The following SPATA6 variants were observed in gnomAD, a reference collection of about 807,000 sequenced individuals.
The protein encoded by SPATA6 is spermatogenesis associated 6.
Under a neutral mutation model 65.3 loss-of-function variants are expected in SPATA6, and 56 were observed. That is an observed-to-expected ratio of 0.86 (90% CI 0.69 to 1.07). The LOEUF is 1.07. Among genes scored for constraint, SPATA6 ranks in the 50% least tolerant of loss-of-function variants. The pLI is 0.00. For missense variants in SPATA6, 590 were observed against 594.8 expected (o/e 0.99, Z 0.08); for synonymous variants, 199 against 213.2 (o/e 0.93, Z 0.58).
chr1:48,418,544 C>CAAAAAAAA (rs34415296), intron 3 of SPATA6, among the ~76,000 whole-genome samples: 29 of 49,694 alleles, frequency 5.8e-4, no homozygotes, highest in East Asian at 9.2e-4. Flanking sequence ...CCCATCCCTA[C>CAAAAAAAA]AAAAAAAAAA....
chr1:48,428,803 G>GTGTATATATGTATATATA (rs2148048427), intron 3 of SPATA6, among the ~76,000 whole-genome samples: 5 of 113,434 alleles, frequency 4.4e-5, no homozygotes, highest in African/African-American at 6.5e-5. Context: ...GTGTGTGTGT[G>GTGTATATATGTATATATA]TGTGTGTATA....
At chr1:48,338,467 A>G (rs1384109786) in intron 11 of SPATA6, among the ~76,000 whole-genome samples, 2 of 152,102 alleles carry the variant, frequency 1.3e-5, no homozygotes, top group Non-Finnish European at 2.9e-5. Context: ...CTTAAGAGAT[A>G]AGGATCTATC....
chr1:48,346,548 T>A (rs1646371457), intron 11 of SPATA6, among the ~76,000 whole-genome samples: 2 of 152,180 alleles, frequency 1.3e-5, no homozygotes, highest in Admixed American at 6.6e-5. Context: ...GATTATATGA[T>A]CTTATATTGA....
chr1:48,405,872 C>T (rs1203912430), intron 5 of SPATA6, among the ~76,000 whole-genome samples: 1 of 152,084 alleles, frequency 6.6e-6, no homozygotes, highest in Admixed American at 6.6e-5. Context: ...ATTCCTCTCA[C>T]ATGCAAAATA....
chr1:48,393,950 T>C lies in SPATA6; in HGVS notation c.868+1317A>G, dbSNP rs577206896. Among the ~76,000 whole-genome samples the C allele has an allele frequency of 2.6e-5, 4 of 152,160 alleles. No homozygotes were observed. In the South Asian group the frequency reaches 8.3e-4, roughly 32 times the overall value. On this transcript the variant is annotated intron_variant, in intron 8 of 12. Coordinates refer to ENST00000371847, the MANE Select transcript of SPATA6 (RefSeq NM_019073.4). Reference sequence around the variant, plus strand: ...AAGCCTCCATCTCCAAACCACCATATTAGGGGCTAGGGCTTCAACATATTA... The same window carrying C: ...AAGCCTCCATCTCCAAACCACCATACTAGGGGCTAGGGCTTCAACATATTA...
At chr1:48,316,772 C>T (rs1373825129) in intron 11 of SPATA6, among the ~76,000 whole-genome samples, 1 of 151,938 alleles carries the variant, frequency 6.6e-6, no homozygotes, top group Non-Finnish European at 1.5e-5. Context: ...AAAATTTTTG[C>T]AATCTACTAA....
intron 9 of SPATA6, among the ~76,000 whole-genome samples, chr1:48,365,997 G>A (rs1030749089): frequency 6.6e-6 from 1 of 152,144 alleles, no homozygotes; most frequent in African/African-American, 2.4e-5. Context: ...AGACTTTTTA[G>A]CATGAAGCGT....
intron 11 of SPATA6, among the ~76,000 whole-genome samples, chr1:48,354,703 G>A (rs1295630264): frequency 6.6e-6 from 1 of 151,898 alleles, no homozygotes; most frequent in African/African-American, 2.4e-5. Flanking sequence ...CTCAAAACGT[G>A]CAATATTATA....
chr1:48,281,652 G>C, the SPATA6 span, among the ~76,000 whole-genome samples: 3 of 151,556 alleles, frequency 2.0e-5, no homozygotes, highest in South Asian at 4.2e-4. Flanking sequence ...TCTTCAAGGA[G>C]AACTACAAAC....
intron 11 of SPATA6, among the ~76,000 whole-genome samples, chr1:48,350,868 T>C (rs1421028283): frequency 6.6e-6 from 1 of 151,946 alleles, no homozygotes; most frequent in African/African-American, 2.4e-5. Flanking sequence ...TTGCCTTTCA[T>C]ACACATTGTT....
At chr1:48,360,027 G>A (rs576085845) in intron 9 of SPATA6, among the ~76,000 whole-genome samples, 1 of 152,202 alleles carries the variant, frequency 6.6e-6, no homozygotes, top group East Asian at 1.9e-4. Context: ...AAAGGCTTTT[G>A]AGTAGTGGTG....
intron 11 of SPATA6, among the ~76,000 whole-genome samples, chr1:48,312,663 G>C (rs147840085): frequency 6.6e-6 from 1 of 152,290 alleles, no homozygotes; most frequent in South Asian, 2.1e-4. Context: ...AAGGAATGCA[G>C]CTCCTCACCA....
chr1:48,285,824 A>G, the SPATA6 span, among the ~76,000 whole-genome samples: 1 of 152,094 alleles, frequency 6.6e-6, no homozygotes, highest in South Asian at 2.1e-4. Context: ...GAAATGCAGA[A>G]ATCACCCACC....
rs1644822082 is a variant in SPATA6, at chr1:48,296,870, A to G, written c.*1843T>C. The G allele has an allele frequency of 6.6e-6, 1 of 152,132 alleles. No homozygotes were observed. 9.4% of individuals were successfully genotyped at this position (152,132 alleles called of 1,614,324 possible). A position where few individuals can be genotyped will look rare whatever the true frequency, so the allele number is the denominator to read the frequency against. On this transcript the variant is annotated 3_prime_UTR_variant, in exon 13 of 13. Transcript: ENST00000371847. The stretch of plus-strand genomic sequence containing the variant: ...AATAACAAATAGTGGTACATGCTAA[A>G]TTTAGTTTAGAAAATTCTGGGTTAA...
intron 3 of SPATA6, among the ~76,000 whole-genome samples, chr1:48,449,726 C>G (rs963403996): frequency 1.4e-4 from 21 of 152,152 alleles, no homozygotes; most frequent in Non-Finnish European, 1.8e-4. Context: ...CTAGGGAAAT[C>G]TGAATTATGA....
chr1:48,391,086 C>A (rs561691061), intron 8 of SPATA6, among the ~76,000 whole-genome samples: 2 of 151,636 alleles, frequency 1.3e-5, no homozygotes, highest in Non-Finnish European at 2.9e-5. Context: ...GAAGGACATC[C>A]GGACACGGTG....
In SPATA6 at chr1:48,421,354, G is replaced by C. The variant is rs191766853; in HGVS notation, c.239-8203C>G. On this transcript the variant is annotated intron_variant, in intron 3 of 12. Transcript: ENST00000371847. ...GTCAATTAAAAATAAAATAAAACTT[G>C]AAAAAAAAAGAAAGCTTCAATGTAA... is the stretch of plus-strand genomic sequence containing the variant. 9.5e-5 allele frequency among the ~76,000 whole-genome samples: 14 copies of C among 148,134 alleles called. No homozygotes were observed. The East Asian group carries it at 2.8e-3, about 29-fold the overall frequency.
At chr1:48,314,005 T>G (rs775319264) in intron 11 of SPATA6, among the ~76,000 whole-genome samples, 1 of 152,180 alleles carries the variant, frequency 6.6e-6, no homozygotes, top group African/African-American at 2.4e-5. Flanking sequence ...CCTAAATACA[T>G]ATGCACCCAA....
intron 11 of SPATA6, among the ~76,000 whole-genome samples, chr1:48,313,816 C>T (rs1170325259): frequency 6.6e-6 from 1 of 152,076 alleles, no homozygotes; most frequent in South Asian, 2.1e-4. Flanking sequence ...TGTGCAGAGA[C>T]ACACATAGGC....
Sources: allele counts gnomAD v4.1 joint callset (sites outside exome capture counted in the v4.1 genomes callset), GRCh38; gene constraint gnomAD v4.1.1; transcripts MANE v1.5; gene names NCBI Gene and HGNC (gene_info 2026-07-23, HGNC 2026-07-21).